FRMPD2: variants seen among roughly 807,000 people sequenced by gnomAD.
The protein encoded by FRMPD2 is FERM and PDZ domain-containing protein 2.
A neutral mutation model predicts 140.1 loss-of-function variants in FRMPD2; 96 were observed. The ratio of observed to expected loss-of-function variants is 0.69; its 90% CI spans 0.58 to 0.81. The LOEUF is 0.81. Among genes scored for constraint, FRMPD2 ranks in the 40% least tolerant of loss-of-function variants. The pLI is 0.00. For missense variants in FRMPD2, 1,240 were observed against 1,447.4 expected (o/e 0.86, Z 2.32); for synonymous variants, 449 against 547.6 (o/e 0.82, Z 2.52).
chr10:48,236,423 C>T (rs897708674), intron 9 of FRMPD2, 59 bp downstream of exon 9: 24 of 1,488,636 alleles, frequency 1.6e-5, no homozygotes, highest in East Asian at 1.4e-4. Context: ...ATTGGCCTCC[C>T]GCAACTGCCC....
At chr10:48,242,858 G>T (rs1161917224) in intron 4 of FRMPD2, among the ~76,000 whole-genome samples, 1 of 152,212 alleles carries the variant, frequency 6.6e-6, no homozygotes, top group Non-Finnish European at 1.5e-5. Context: ...CTCAATCGTT[G>T]TTGGTTGAAC....
At chr10:48,200,188 ATAAATAAAT>A (rs1839050862) in intron 15 of FRMPD2, among the ~76,000 whole-genome samples, 1 of 149,606 alleles carries the variant, frequency 6.7e-6, no homozygotes, top group Non-Finnish European at 1.5e-5. Flanking sequence ...AAATAAATAA[ATAAATAAAT>A]AAAACAGAGC....
intron 24 of FRMPD2, 88 bp from the exon 25 acceptor site, chr10:48,173,181 C>G: frequency 3.6e-6 from 2 of 548,364 alleles, no homozygotes; most frequent in Non-Finnish European, 3.4e-6. Flanking sequence ...TCTTAATTTT[C>G]GAATCCTTCC....
At chr10:48,238,162 G>C (rs892345254) in intron 7 of FRMPD2, 39 bp from the exon 8 acceptor site, 1 of 1,593,114 alleles carries the variant, frequency 6.3e-7, no homozygotes, top group African/African-American at 1.3e-5. Flanking sequence ...ACTTAGCAAT[G>C]GCAAGGGCTT....
chr10:48,267,932 T>A, intron 1 of FRMPD2, among the ~76,000 whole-genome samples: 1 of 152,204 alleles, frequency 6.6e-6, no homozygotes, highest in East Asian at 1.9e-4. Flanking sequence ...ATATGAAATA[T>A]CCAGAATAAA....
At chr10:48,183,209 C>T (rs913023084) in intron 20 of FRMPD2, among the ~76,000 whole-genome samples, 1 of 152,162 alleles carries the variant, frequency 6.6e-6, no homozygotes, top group African/African-American at 2.4e-5. Flanking sequence ...GGAAGTTCTC[C>T]TGTATACAAG....
chr10:48,191,681 A>C (rs529007961), intron 16 of FRMPD2, among the ~76,000 whole-genome samples: 1 of 152,266 alleles, frequency 6.6e-6, no homozygotes, highest in South Asian at 2.1e-4. Flanking sequence ...AACTCATCCC[A>C]AAAAAACAGC....
intron 2 of FRMPD2, among the ~76,000 whole-genome samples, chr10:48,250,550 G>A (rs975846757): frequency 1.3e-5 from 2 of 152,010 alleles, no homozygotes; most frequent in Non-Finnish European, 2.9e-5. Context: ...ATAAGTGCAC[G>A]CCACCACGCC....
At chr10:48,214,543 G>GA (rs1839403312) in intron 12 of FRMPD2, among the ~76,000 whole-genome samples, 2 of 152,092 alleles carry the variant, frequency 1.3e-5, no homozygotes, top group Non-Finnish European at 2.9e-5. Context: ...AGGGATATAT[G>GA]AAAAATCCCT....
At chr10:48,199,985 G>C (rs991976563) in intron 15 of FRMPD2, 1 of 152,034 alleles carries the variant, frequency 6.6e-6, no homozygotes, top group Non-Finnish European at 1.5e-5. Flanking sequence ...TGAAGCAGCC[G>C]AGACCCCATG....
chr10:48,269,738 C>A (rs760229490), intron 1 of FRMPD2, among the ~76,000 whole-genome samples: 1 of 152,166 alleles, frequency 6.6e-6, no homozygotes, highest in African/African-American at 2.4e-5. Context: ...CCATCCAGAG[C>A]AGACCATTAA....
At chr10:48,269,294 C>G (rs972416255) in intron 1 of FRMPD2, among the ~76,000 whole-genome samples, 5 of 152,144 alleles carry the variant, frequency 3.3e-5, no homozygotes, top group Non-Finnish European at 7.3e-5. Flanking sequence ...TTTTTCAGAG[C>G]CATCTATCAA....
chr10:48,209,688 G>T (rs974898074), intron 13 of FRMPD2, among the ~76,000 whole-genome samples: 1 of 152,224 alleles, frequency 6.6e-6, no homozygotes, highest in African/African-American at 2.4e-5. Flanking sequence ...ACGGCTGCAC[G>T]AGGTGTCTTA....
intron 2 of FRMPD2, among the ~76,000 whole-genome samples, chr10:48,250,094 C>A (rs1036566153): frequency 3.3e-5 from 5 of 152,178 alleles, no homozygotes; most frequent in South Asian, 2.1e-4. Flanking sequence ...AGGACTCTAG[C>A]GGCCCTCCTG....
At chr10:48,193,038 C>T (rs1372057208) in intron 15 of FRMPD2, 144 bp from the exon 16 acceptor site, 2 of 651,112 alleles carry the variant, frequency 3.1e-6, no homozygotes, top group Non-Finnish European at 2.7e-6. Flanking sequence ...TGTGATTATC[C>T]CTGGGAATGC....
chr10:48,241,856 C>T (rs1047177858), intron 5 of FRMPD2, among the ~76,000 whole-genome samples: 1 of 152,176 alleles, frequency 6.6e-6, no homozygotes, highest in African/African-American at 2.4e-5. Context: ...AACATTATTG[C>T]TTTATGTAAG....
In FRMPD2 at chr10:48,274,550, C is replaced by A; in HGVS notation, c.18G>T (p.Lys6Asn). The A allele has an allele frequency of 6.2e-7, 1 of 1,614,136 alleles. No homozygotes were observed. Among genetic ancestry groups the A allele is most frequent in the Non-Finnish European group, 8.5e-7 (1 of 1,179,968 alleles). The change falls in exon 1 of 29, where the codon AAG becomes AAT. Residue 6 changes from lysine (K) to asparagine (N), a missense_variant. Coordinates refer to ENST00000374201, the MANE Select transcript of FRMPD2 (RefSeq NM_001018071.4). MQPLTKDAGMSLSSVT... is the reference protein window; with the variant it reads MQPLTNDAGMSLSSVT... The stretch of plus-strand genomic sequence containing the variant: ...AATGATGCCAAGGAATACCTGCGTC[C>A]TTCGTTAAAGGCTGCATCCAAAAGT...
At chr10:48,175,493 G>C (rs1838383728) in intron 23 of FRMPD2, among the ~76,000 whole-genome samples, 1 of 151,678 alleles carries the variant, frequency 6.6e-6, no homozygotes, top group Non-Finnish European at 1.5e-5. Context: ...GAAGGCTCAG[G>C]TGTCCTCCCC....
chr10:48,258,421 C>A (rs1228201968), intron 1 of FRMPD2, among the ~76,000 whole-genome samples: 1 of 152,162 alleles, frequency 6.6e-6, no homozygotes, highest in African/African-American at 2.4e-5. Flanking sequence ...ACCCCACAGC[C>A]CCTGATTTAA....
Sources: allele counts gnomAD v4.1 joint callset (sites outside exome capture counted in the v4.1 genomes callset), GRCh38; gene constraint gnomAD v4.1.1; transcripts MANE v1.5; gene names NCBI Gene and HGNC (gene_info 2026-07-23, HGNC 2026-07-21).